EVPL: variants seen among roughly 807,000 people sequenced by gnomAD.
The protein encoded by EVPL is 210 kDa cornified envelope precursor protein.
In EVPL, 94 loss-of-function variants were observed where a neutral mutation model predicts 129.7. That is an observed-to-expected ratio of 0.72 (90% CI 0.61 to 0.86). EVPL has a LOEUF of 0.86. Ranked by LOEUF, EVPL falls within the 40% of genes least tolerant of loss-of-function variation. The probability of loss-of-function intolerance (pLI) is 0.00; values close to 1 mark genes in which losing one functional copy is unlikely to be tolerated. For synonymous variants in EVPL, 1,172 were observed against 1,191.1 expected, an observed-to-expected ratio of 0.98 and a Z score of 0.33; for missense variants, 2,625 against 2,721.1, an observed-to-expected ratio of 0.96 and a Z score of 0.79.
In EVPL at chr17:76,008,723, C is replaced by T. The variant is rs770775128; in HGVS notation, c.4482G>A (p.Glu1494=). Residue 1494 remains glutamate (E), a synonymous_variant, in exon 22 of 22, where the codon GAG becomes GAA. Coordinates refer to ENST00000301607, the MANE Select transcript of EVPL (RefSeq NM_001988.4). The surrounding 1 kb of genome is among the most constrained non-coding windows in gnomAD (Gnocchi z 7.4). ...DLDQEKTQVT[E]LNRECKNLQV... Reference sequence around the variant, plus strand: ...GCAGGTTCTTGCACTCCCGATTCAGCTCGGTTACCTGGGTCTTCTCCTGGT... The same window carrying T: ...GCAGGTTCTTGCACTCCCGATTCAGTTCGGTTACCTGGGTCTTCTCCTGGT... 1.9e-6 allele frequency: 3 copies of T among 1,613,954 alleles called. No homozygotes were observed. The highest frequency in any genetic ancestry group is 4.5e-5 in the East Asian group (2 of 44,868).
chr17:76,022,375 G>C lies in EVPL; in HGVS notation c.606+38C>G. ...GGCTCTGACTGGAGAAACGGGCTGG[G>C]GCTGGCCCCGGATGTGACATCCTCC... On this transcript the variant is annotated intron_variant, in intron 5 of 21. Coordinates refer to ENST00000301607, the MANE Select transcript of EVPL (RefSeq NM_001988.4). The surrounding 1 kb of genome is among the most constrained non-coding windows in gnomAD (Gnocchi z 5.6). The C allele has an allele frequency of 6.2e-7, 1 of 1,612,466 alleles. No individual in the cohort carries two copies. The highest frequency in any genetic ancestry group is 1.1e-5 in the South Asian group (1 of 90,894).
chr17:76,023,791 C>A, intron 2 of EVPL, 137 bp from the exon 3 acceptor site: 1 of 1,406,512 alleles, frequency 7.1e-7, no homozygotes, highest in South Asian at 1.5e-5. Flanking sequence ...GGCACAGGGT[C>A]AGGACCAGGG....
At chr17:76,026,640 C>T (rs1344986133) in intron 1 of EVPL, among the ~76,000 whole-genome samples, 1 of 152,200 alleles carries the variant, frequency 6.6e-6, no homozygotes, top group Non-Finnish European at 1.5e-5. Context: ...TCCCCTCAGT[C>T]CTCATGCCCT....
At position 76,009,050 on chromosome 17, in the gene EVPL, G is replaced by A; in HGVS notation, c.4155C>T (p.Arg1385=). 1.2e-6 allele frequency: 2 copies of A among 1,613,506 alleles called. No individual in the cohort carries two copies. The highest frequency in any genetic ancestry group is 1.7e-6 in the Non-Finnish European group (2 of 1,179,830). The change falls in exon 22 of 22, where the codon CGC becomes CGT. Residue 1385 remains arginine (R), a synonymous_variant. Coordinates refer to ENST00000301607, the MANE Select transcript of EVPL (RefSeq NM_001988.4). This position sits in a 1 kb window ranked among gnomAD's most constrained non-coding sequence, Gnocchi z 5.9. ...VVVTQKDPKL[R]EEHSRLSGSL... ...TCCCGCTCAGCCGGCTGTGCTCCTC[G>A]CGCAGCTTCGGGTCCTTCTGGGTGA...
At chr17:76,020,258 C>T (rs868345669) in intron 9 of EVPL, among the ~76,000 whole-genome samples, 1 of 152,342 alleles carries the variant, frequency 6.6e-6, no homozygotes, top group East Asian at 1.9e-4. Context: ...CCTACCCAGG[C>T]GGCAGGACCT....
intron 4 of EVPL, among the ~76,000 whole-genome samples, chr17:76,023,068 T>C (rs971586519): frequency 6.6e-6 from 1 of 152,060 alleles, no homozygotes; most frequent in Non-Finnish European, 1.5e-5. Flanking sequence ...TCCTCACTAC[T>C]TCACCCTGGC....
chr17:76,025,486 C>T (rs1567918384), intron 1 of EVPL, among the ~76,000 whole-genome samples: 1 of 152,196 alleles, frequency 6.6e-6, no homozygotes, highest in Non-Finnish European at 1.5e-5. Context: ...GGGAGCCTGC[C>T]TGGACAGTGG....
chr17:76,018,779 G>T, intron 11 of EVPL, 135 bp downstream of exon 11: 1 of 1,240,602 alleles, frequency 8.1e-7, no homozygotes, highest in Non-Finnish European at 1.1e-6. Context: ...AGGAGGGTCT[G>T]AGTCAAGGGA....
At chr17:76,016,184 G>A (rs1203064006) in intron 14 of EVPL, among the ~76,000 whole-genome samples, 1 of 152,082 alleles carries the variant, frequency 6.6e-6, no homozygotes, top group Non-Finnish European at 1.5e-5. Flanking sequence ...ATTGATGGGA[G>A]GATGACACAA....
Position 76,014,723 on chromosome 17 carries a change from T to C in EVPL, c.2223-147A>G, listed in dbSNP as rs181187129. 4.9e-4 allele frequency: 611 copies of C among 1,246,238 alleles called. 2 individuals are homozygous for C. The highest frequency in any genetic ancestry group is 3.6e-3 in the Middle Eastern group (13 of 3,640). The allele number at this position is 1,246,238 out of a possible 1,614,324, so 77.2% of individuals were successfully genotyped here. On this transcript the variant is annotated intron_variant, in intron 17 of 21. Coordinates refer to ENST00000301607, the MANE Select transcript of EVPL (RefSeq NM_001988.4). Reference sequence around the variant, plus strand: ...TGTGCAGATCCCCACTCCCTGACCCTGGGAATTCAGAGATGGGACAGTCTC... The same window carrying C: ...TGTGCAGATCCCCACTCCCTGACCCCGGGAATTCAGAGATGGGACAGTCTC...
At chr17:76,018,397 G>A (rs778799050) in intron 12 of EVPL, 49 bp downstream of exon 12, 14 of 1,571,044 alleles carry the variant, frequency 8.9e-6, no homozygotes, top group Middle Eastern at 3.7e-4. Context: ...CCGCAGGGCC[G>A]GCCTGCTCTG....
rs759446757 is a variant in EVPL, at chr17:76,021,884, C to A, written c.790G>T (p.Val264Leu). The change falls in exon 7 of 22, where the codon GTG becomes TTG. Residue 264 changes from valine (V) to leucine (L), a missense_variant. Val to Leu is a conservative substitution (Grantham distance 32). Transcript: ENST00000301607. Reference protein sequence around the residue: ...WSDLMADPAGVRREYEHFKQH... With the variant: ...WSDLMADPAGLRREYEHFKQH... ...CAGCCGACCTCGTACTCCCGCCGCA[C>A]GCCCGCAGGGTCGGCCATGAGGTCG... The A allele has an allele frequency of 1.3e-6, 2 of 1,559,652 alleles. No individual in the cohort carries two copies. The highest frequency in any genetic ancestry group is 1.2e-5 in the South Asian group (1 of 86,224).
rs200046392 is a variant in EVPL at position 76,009,541 on chromosome 17, C to T, written c.3664G>A (p.Gly1222Ser). The T allele has an allele frequency of 6.2e-6, 10 of 1,614,022 alleles. No homozygotes were observed. The highest frequency in any genetic ancestry group is 1.3e-5 in the African/African-American group (1 of 74,932). ...RLKAKLQEMA[G>S]KRSGVEKEVE... ...TCCTTCTCCACACCGCTCCTCTTGC[C>T]CGCCATCTCCTGCAGCTTGGCCTTG... Residue 1222 changes from glycine to serine, a missense_variant, in exon 22 of 22, where the codon GGC becomes AGC. This residue lies in a region of EVPL where 1,453 missense variants were observed against 1,511.8 expected (regional missense o/e 0.96). Coordinates refer to ENST00000301607, the MANE Select transcript of EVPL (RefSeq NM_001988.4). This position sits in a 1 kb window ranked among gnomAD's most constrained non-coding sequence, Gnocchi z 5.9.
rs1022795455 is a variant in EVPL, at chr17:76,013,315, C to G, written c.2373+1111G>C. 6.6e-6 allele frequency among the ~76,000 whole-genome samples: 1 copy of G among 152,130 alleles called. No individual in the cohort carries two copies. The highest frequency in any genetic ancestry group is 2.1e-4 in the South Asian group (1 of 4,828). On this transcript the variant is annotated intron_variant, in intron 18 of 21. Transcript: ENST00000301607. The surrounding 1 kb of genome is among the most constrained non-coding windows in gnomAD (Gnocchi z 4.3). ...CCCCCTTCCCAATGTCACCTCCCTA[C>G]TCTCTCCCCAGATATTCTCATTTTC...
At chr17:76,014,633 A>G in intron 17 of EVPL, 57 bp from the exon 18 acceptor site, 1 of 1,581,606 alleles carries the variant, frequency 6.3e-7, no homozygotes, top group Non-Finnish European at 8.5e-7. Flanking sequence ...GGACAGGGGC[A>G]GGTGCACAGG....
chr17:76,011,887 G>A lies in EVPL; in HGVS notation c.2458-5C>T, dbSNP rs1221634346. 10 of 1,613,008 alleles carry A rather than the reference G, an allele frequency of 6.2e-6. No individual in the cohort carries two copies. In the African/African-American group the frequency reaches 1.1e-4, roughly 17 times the overall value. On this transcript the variant is annotated splice_region_variant and splice_polypyrimidine_tract_variant and intron_variant, in intron 19 of 21. Coordinates refer to ENST00000301607, the MANE Select transcript of EVPL (RefSeq NM_001988.4). ...GTCTGCCTGGAGCTCATAGTCCTGAGCAGGGAGGAAAGGACAGCAGGCTGG... is the reference window on the plus strand; with the variant it reads ...GTCTGCCTGGAGCTCATAGTCCTGAACAGGGAGGAAAGGACAGCAGGCTGG...
chr17:76,016,387 G>A (rs1163505793), intron 14 of EVPL, among the ~76,000 whole-genome samples: 1 of 152,116 alleles, frequency 6.6e-6, no homozygotes, highest in African/African-American at 2.4e-5. Flanking sequence ...GTCCATCACC[G>A]AGCAGTGCTG....
At position 76,022,122 on chromosome 17, in the gene EVPL, G is replaced by A. The variant is rs2066465196; in HGVS notation, c.645+67C>T. 13 of 1,597,794 alleles carry A rather than the reference G, an allele frequency of 8.1e-6. No homozygotes were observed. The highest frequency in any genetic ancestry group is 2.2e-5 in the South Asian group (2 of 89,666). ...GGCCGCGCTCAGGAACACTGGCCCC[G>A]GGCAGGGTCCGGGCGGCCACCCAGG... is the stretch of plus-strand genomic sequence containing the variant. On this transcript the variant is annotated intron_variant, in intron 6 of 21. Transcript: ENST00000301607. The surrounding 1 kb of genome is among the most constrained non-coding windows in gnomAD (Gnocchi z 5.6).
rs143577766 is a variant in EVPL at position 76,007,167 on chromosome 17, G to T, written c.6038C>A (p.Ala2013Glu). Residue 2013 changes from alanine to glutamate, a missense_variant, in exon 22 of 22, where the codon GCG (alanine) becomes GAG (glutamate). Transcript: ENST00000301607. The surrounding 1 kb of genome is among the most constrained non-coding windows in gnomAD (Gnocchi z 8.8). Reference protein sequence around the residue: ...DPLSGLLLLPAALEGYRCYRS... With the variant: ...DPLSGLLLLPEALEGYRCYRS... ...GTAGCAGCGGTACCCCTCCAGTGCC[G>T]CTGGCAGGAGCAGCAGGCCGCTCAG... 7.3e-6 allele frequency: 11 copies of T among 1,511,962 alleles called. No homozygotes were observed. Among genetic ancestry groups the T allele is most frequent in the South Asian group, 6.6e-5 (5 of 75,890 alleles). The allele number at this position is 1,511,962 out of a possible 1,614,324, so 93.7% of individuals were successfully genotyped here. A position where few individuals can be genotyped will look rare whatever the true frequency, so the allele number is the denominator to read the frequency against.
Sources: gnomAD v4.1 joint callset for allele counts (sites outside exome capture counted in the v4.1 genomes callset) on GRCh38, gnomAD v4.1.1 for gene constraint, gnomAD v4.1.1 regional missense constraint, Gnocchi (gnomAD v3.1) non-coding constraint, MANE v1.5 for transcripts, NCBI Gene and HGNC (gene_info 2026-07-23, HGNC 2026-07-21) for gene names.